ZNF184: variants seen among roughly 807,000 people sequenced by gnomAD.
The protein encoded by ZNF184 is zinc finger protein 184, also known as zinc finger protein 184 (Kruppel-like).
Under a neutral mutation model 54.4 loss-of-function variants are expected in ZNF184, and 16 were observed. That is an observed-to-expected ratio of 0.29 (90% CI 0.20 to 0.45). The LOEUF is 0.45. ZNF184 is among the 20% of genes least tolerant of loss of function. The pLI, the probability that ZNF184 is intolerant of heterozygous loss-of-function variation, is 1.00. For missense variants in ZNF184, 681 were observed against 888.2 expected (o/e 0.77, Z 2.97); for synonymous variants, 254 against 295.3 (o/e 0.86, Z 1.43).
intron 3 of ZNF184, among the ~76,000 whole-genome samples, chr6:27,462,152 G>GA (rs1330665756): frequency 6.6e-6 from 1 of 152,076 alleles, no homozygotes; most frequent in Non-Finnish European, 1.5e-5. Flanking sequence ...AGGCCTGAAA[G>GA]GAACACACTG....
At chr6:27,458,922 C>T (rs1266276334) in intron 3 of ZNF184, among the ~76,000 whole-genome samples, 1 of 152,160 alleles carries the variant, frequency 6.6e-6, no homozygotes, top group Admixed American at 6.5e-5. Flanking sequence ...AAAATCTTGT[C>T]ATTAGTGGTA....
chr6:27,458,702 T>C (rs1033079041), intron 3 of ZNF184, among the ~76,000 whole-genome samples: 1 of 152,102 alleles, frequency 6.6e-6, no homozygotes, highest in African/African-American at 2.4e-5. Context: ...GGAACTACCA[T>C]ATGATCCAGC....
the ZNF184 span, among the ~76,000 whole-genome samples, chr6:27,410,964 C>T: frequency 6.6e-6 from 1 of 152,102 alleles, no homozygotes. Flanking sequence ...CTTAAAACAG[C>T]GGTATTGGGA....
chr6:27,431,426 T>C, the ZNF184 span, among the ~76,000 whole-genome samples: 4 of 152,336 alleles, frequency 2.6e-5, no homozygotes, highest in East Asian at 7.7e-4. Flanking sequence ...GTCTCTGACC[T>C]TTCTTTTGTA....
chr6:27,428,174 C>G, the ZNF184 span, among the ~76,000 whole-genome samples: 1 of 152,146 alleles, frequency 6.6e-6, no homozygotes, highest in African/African-American at 2.4e-5. This position sits in a 1 kb window ranked among gnomAD's most constrained non-coding sequence, Gnocchi z 4.1. Context: ...CCCAAAACAT[C>G]TGATCATGAC....
At chr6:27,442,794 GAAA>G in the ZNF184 span, among the ~76,000 whole-genome samples, 683 of 68,234 alleles carry the variant, frequency 0.01, 69 homozygotes, top group African/African-American at 0.019. Flanking sequence ...AAGGAAGAAA[GAAA>G]GAAAGAGAAA....
the ZNF184 span, among the ~76,000 whole-genome samples, chr6:27,409,001 C>T: frequency 3.3e-5 from 5 of 152,038 alleles, no homozygotes; most frequent in Non-Finnish European, 7.4e-5. Flanking sequence ...CTTTTCAAAT[C>T]AGGAAAGATT....
rs543064145 is a variant in ZNF184, at chr6:27,467,472, G to A, written c.75+381C>T. On this transcript the variant is annotated intron_variant, in intron 3 of 5. Coordinates refer to ENST00000683788, the MANE Select transcript of ZNF184 (RefSeq NM_001318891.2). ...TAGCCAGGCGTGGTAGTGTGGGCCT[G>A]TAGTCCCAGCTACTCGGGACGCTCA... is the stretch of plus-strand genomic sequence containing the variant. Among the ~76,000 whole-genome samples, 8 of 152,252 alleles carry A rather than the reference G, an allele frequency of 5.3e-5. No individual in the cohort carries two copies. The East Asian group carries it at 1.5e-3, about 29-fold the overall frequency.
chr6:27,422,200 G>GAAAGAAAGAA, the ZNF184 span, among the ~76,000 whole-genome samples: 1 of 89,238 alleles, frequency 1.1e-5, no homozygotes, highest in Non-Finnish European at 2.4e-5. Flanking sequence ...AAGAAAGAAA[G>GAAAGAAAGAA]AAAGAAAGAA....
chr6:27,456,970 C>T (rs774098900), intron 4 of ZNF184, 49 bp from the exon 5 acceptor site: 3 of 1,506,454 alleles, frequency 2.0e-6, no homozygotes, highest in Non-Finnish European at 2.7e-6. Context: ...GGGGAAAGTA[C>T]CATATCAGAA....
the ZNF184 span, among the ~76,000 whole-genome samples, chr6:27,443,185 T>C: frequency 1.3e-5 from 2 of 152,230 alleles, no homozygotes; most frequent in African/African-American, 4.8e-5. Flanking sequence ...CTTCTTCTCT[T>C]GCATCTCTCT....
chr6:27,449,479 G>C (rs1022730396), downstream of ZNF184, among the ~76,000 whole-genome samples: 2 of 152,174 alleles, frequency 1.3e-5, no homozygotes, highest in African/African-American at 4.8e-5. Flanking sequence ...TGGGGCCAAG[G>C]GTGGTGACTA....
At chr6:27,471,594 G>A (rs1361956081) in intron 2 of ZNF184, among the ~76,000 whole-genome samples, 1 of 152,194 alleles carries the variant, frequency 6.6e-6, no homozygotes, top group Non-Finnish European at 1.5e-5. Flanking sequence ...TAAGAAAAAT[G>A]CTGACAAGCA....
At chr6:27,423,523 A>T in the ZNF184 span, among the ~76,000 whole-genome samples, 3 of 152,108 alleles carry the variant, frequency 2.0e-5, no homozygotes, top group African/African-American at 7.2e-5. Context: ...AATTCAGCCC[A>T]TCAAAGGCGG....
At chr6:27,412,237 G>C in the ZNF184 span, among the ~76,000 whole-genome samples, 1 of 152,142 alleles carries the variant, frequency 6.6e-6, no homozygotes, top group African/African-American at 2.4e-5. Context: ...GCACGCTCAG[G>C]GCCACACGGT....
At chr6:27,449,713 T>C (rs1762678060), downstream of ZNF184, among the ~76,000 whole-genome samples, 1 of 152,102 alleles carries the variant, frequency 6.6e-6, no homozygotes, top group African/African-American at 2.4e-5. Flanking sequence ...ATCATGCTAC[T>C]GCACTCCAGC....
intron 3 of ZNF184, among the ~76,000 whole-genome samples, chr6:27,466,441 C>T (rs6920408): frequency 0.65 from 99,139 of 151,952 alleles, 32,637 homozygotes; most frequent in Middle Eastern, 0.76. Flanking sequence ...AATAGCAAAA[C>T]ATACATTCTT....
chr6:27,467,406 C>T (rs1228582111), intron 3 of ZNF184, among the ~76,000 whole-genome samples: 1 of 152,024 alleles, frequency 6.6e-6, no homozygotes, highest in Non-Finnish European at 1.5e-5. Context: ...CCAGCATCAC[C>T]AGCATGATGA....
At chr6:27,454,787 C>T (rs990922502) in intron 5 of ZNF184, among the ~76,000 whole-genome samples, 7 of 152,146 alleles carry the variant, frequency 4.6e-5, no homozygotes, top group Non-Finnish European at 1.5e-5. Context: ...TGAAAAATAC[C>T]ATCCCTATTG....
Sources: allele counts gnomAD v4.1 joint callset (sites outside exome capture counted in the v4.1 genomes callset), GRCh38; gene constraint gnomAD v4.1.1; non-coding constraint Gnocchi (gnomAD v3.1); transcripts MANE v1.5; gene names NCBI Gene and HGNC (gene_info 2026-07-23, HGNC 2026-07-21).